Variants in RIMS1 observed in about 807,000 individuals in gnomAD.
The protein encoded by RIMS1 is regulating synaptic membrane exocytosis protein 1.
RIMS1 carries 83 observed loss-of-function variants against 214.1 expected under a neutral mutation model. That is an observed-to-expected ratio of 0.39 (90% CI 0.32 to 0.47). The LOEUF is 0.47. Among genes scored for constraint, RIMS1 ranks in the 20% least tolerant of loss-of-function variants. The pLI, the probability that RIMS1 is intolerant of heterozygous loss-of-function variation, is 0.99. For synonymous variants in RIMS1, 793 were observed against 786.8 expected, an observed-to-expected ratio of 1.01 and a Z score of -0.13; for missense variants, 2,050 against 2,161.8, an observed-to-expected ratio of 0.95 and a Z score of 1.03.
At chr6:72,015,312 T>A (rs1205661285) in intron 2 of RIMS1, among the ~76,000 whole-genome samples, 1 of 152,190 alleles carries the variant, frequency 6.6e-6, no homozygotes, top group Admixed American at 6.5e-5. Flanking sequence ...TTTGAGCATT[T>A]TGAATCTTGA....
intron 26 of RIMS1, among the ~76,000 whole-genome samples, chr6:72,300,635 G>A (rs1303288373): frequency 6.6e-6 from 1 of 151,768 alleles, no homozygotes; most frequent in Non-Finnish European, 1.5e-5. Context: ...CATCTTATGG[G>A]AGATAGTGTT....
chr6:72,327,492 T>C (rs2096519326), intron 28 of RIMS1, among the ~76,000 whole-genome samples: 1 of 151,816 alleles, frequency 6.6e-6, no homozygotes, highest in African/African-American at 2.4e-5. Context: ...TCATATATGT[T>C]TGTGTGGATA....
chr6:72,065,717 A>G (rs1829129482), intron 2 of RIMS1, among the ~76,000 whole-genome samples: 1 of 152,162 alleles, frequency 6.6e-6, no homozygotes, highest in Non-Finnish European at 1.5e-5. Flanking sequence ...TTTACAGGTG[A>G]AAGTTTCTGT....
intron 6 of RIMS1, among the ~76,000 whole-genome samples, chr6:72,228,208 C>T (rs2060855767): frequency 6.6e-6 from 1 of 151,996 alleles, no homozygotes; most frequent in Non-Finnish European, 1.5e-5. Context: ...GTATGACACA[C>T]AGTATTGTTA....
intron 2 of RIMS1, among the ~76,000 whole-genome samples, chr6:72,085,442 A>G (rs1036597680): frequency 1.3e-5 from 2 of 152,196 alleles, no homozygotes; most frequent in Non-Finnish European, 2.9e-5. Context: ...ACAGTGATGG[A>G]TATCAGGTTA....
intron 29 of RIMS1, among the ~76,000 whole-genome samples, chr6:72,364,317 A>G (rs922745624): frequency 6.6e-6 from 1 of 152,108 alleles, no homozygotes; most frequent in African/African-American, 2.4e-5. Flanking sequence ...GTTGATCAAG[A>G]TCTAATTACA....
intron 4 of RIMS1, among the ~76,000 whole-genome samples, chr6:72,163,713 C>A (rs1338161176): frequency 1.1e-4 from 15 of 140,050 alleles, no homozygotes; most frequent in African/African-American, 3.7e-4. Flanking sequence ...TGGTGAACAG[C>A]AAATGTTGCT....
intron 4 of RIMS1, among the ~76,000 whole-genome samples, chr6:72,168,922 T>A (rs1252377646): frequency 1.3e-5 from 2 of 152,044 alleles, no homozygotes; most frequent in Non-Finnish European, 2.9e-5. Flanking sequence ...TAAGATCAAT[T>A]TTTGATCAAT....
At chr6:72,066,655 G>A (rs1267454938) in intron 2 of RIMS1, among the ~76,000 whole-genome samples, 1 of 152,070 alleles carries the variant, frequency 6.6e-6, no homozygotes, top group Non-Finnish European at 1.5e-5. Context: ...AGAACAATAT[G>A]AGCATTAAGC....
rs749878015 is a variant in RIMS1, at chr6:72,400,707, G to A, written c.5072G>A (p.Arg1691Gln). ...LESSTGPPCI[R>Q]S ...AGTTCAACTGGGCCTCCCTGTATTC[G>A]ATCATAGTGAACTCATACCAGAGTC... Residue 1691 changes from arginine to glutamine, a missense_variant, in exon 34 of 34, where the codon CGA (arginine) becomes CAA (glutamine). Arg to Gln is a conservative substitution (Grantham distance 43, BLOSUM62 1). Around this residue, in one of 6 missense-constraint regions of RIMS1, gnomAD observed 33 missense variants for 40.9 expected, o/e 0.81. Coordinates refer to ENST00000521978, the MANE Select transcript of RIMS1 (RefSeq NM_014989.7). The A allele has an allele frequency of 5.0e-6, 8 of 1,609,600 alleles. No individual in the cohort carries two copies. Among genetic ancestry groups the A allele is most frequent in the African/African-American group, 1.3e-5 (1 of 74,802 alleles).
At position 72,362,087 on chromosome 6, in the gene RIMS1, C is replaced by A. The variant is rs924093462; in HGVS notation, c.4366+28252C>A. On this transcript the variant is annotated intron_variant, in intron 29 of 33. Coordinates refer to ENST00000521978, the MANE Select transcript of RIMS1 (RefSeq NM_014989.7). ...AATGCTAGCAGAGGATTCCAAAGCACACTGATATCCATGGATATAGTTTAA... is the reference window on the plus strand; with the variant it reads ...AATGCTAGCAGAGGATTCCAAAGCAAACTGATATCCATGGATATAGTTTAA... Among the ~76,000 whole-genome samples the A allele has an allele frequency of 4.3e-4, 66 of 151,900 alleles. 1 individual carries two copies. The highest frequency in any genetic ancestry group is 7.5e-4 in the Non-Finnish European group (51 of 68,006).
chr6:72,060,157 C>A (rs1049607340), intron 2 of RIMS1, among the ~76,000 whole-genome samples: 2 of 151,816 alleles, frequency 1.3e-5, no homozygotes, highest in African/African-American at 2.4e-5. Context: ...TAAGTAGAGA[C>A]AGGGTTTCTC....
At chr6:72,002,276 G>C (rs763338801) in intron 2 of RIMS1, among the ~76,000 whole-genome samples, 7 of 151,640 alleles carry the variant, frequency 4.6e-5, no homozygotes, top group African/African-American at 1.2e-4. Context: ...TGTTACTAAG[G>C]CTCCAACAGG....
At chr6:72,062,770 T>A (rs950130445) in intron 2 of RIMS1, among the ~76,000 whole-genome samples, 3 of 152,126 alleles carry the variant, frequency 2.0e-5, no homozygotes, top group African/African-American at 7.2e-5. Context: ...AGGGACAGAA[T>A]GGTTCCATAT....
Position 72,284,035 on chromosome 6 carries a change from T to C in RIMS1, c.3483-12T>C. On this transcript the variant is annotated splice_polypyrimidine_tract_variant and intron_variant, in intron 23 of 33. Transcript: ENST00000521978. ...TCATCATATATTTTGTGTTTAACAT[T>C]TCATTCCACAGGCACTCCAGAAAGT... The C allele has an allele frequency of 6.2e-7, 1 of 1,608,390 alleles. No homozygotes were observed.
chr6:71,974,858 A>T (rs946493655), intron 2 of RIMS1, among the ~76,000 whole-genome samples: 1 of 152,212 alleles, frequency 6.6e-6, no homozygotes, highest in Non-Finnish European at 1.5e-5. Flanking sequence ...CTTAGAAAAG[A>T]TACATTAATT....
intron 23 of RIMS1, among the ~76,000 whole-genome samples, chr6:72,278,556 T>C (rs1016670763): frequency 2.0e-5 from 3 of 152,156 alleles, no homozygotes; most frequent in African/African-American, 7.2e-5. Context: ...TTGCCACATA[T>C]TTTCAAAGTT....
chr6:71,939,898 A>C lies in RIMS1; in HGVS notation c.165-29085A>C, dbSNP rs920827741. On this transcript the variant is annotated intron_variant, in intron 1 of 33. Transcript: ENST00000521978. ...ATAACTCAATTTGAAATAACCAAATAGTGGTAAATGGAGCTACTGGGCCTG... is the reference window on the plus strand; with the variant it reads ...ATAACTCAATTTGAAATAACCAAATCGTGGTAAATGGAGCTACTGGGCCTG... Among the ~76,000 whole-genome samples the C allele has an allele frequency of 2.6e-5, 4 of 152,222 alleles. No individual in the cohort carries two copies. The East Asian group carries it at 5.8e-4, about 22-fold the overall frequency.
At chr6:71,942,995 G>T (rs1049772058) in intron 1 of RIMS1, among the ~76,000 whole-genome samples, 1 of 152,070 alleles carries the variant, frequency 6.6e-6, no homozygotes, top group East Asian at 1.9e-4. Flanking sequence ...ATTAAGATAA[G>T]ATGTAAGTCA....
Sources: gnomAD v4.1 joint callset for allele counts (sites outside exome capture counted in the v4.1 genomes callset) on GRCh38, gnomAD v4.1.1 for gene constraint, gnomAD v4.1.1 regional missense constraint, MANE v1.5 for transcripts, NCBI Gene and HGNC (gene_info 2026-07-23, HGNC 2026-07-21) for gene names.